CDH13: variants seen among roughly 807,000 people sequenced by gnomAD.
CDH13 encodes cadherin 13, also known as cadherin-13.
CDH13 carries 24 observed loss-of-function variants against 63.8 expected under a neutral mutation model. The ratio of observed to expected loss-of-function variants is 0.38; its 90% CI spans 0.27 to 0.53. The LOEUF (loss-of-function observed/expected upper bound fraction) is 0.53, where lower values mean the gene tolerates loss of function less well. CDH13 is among the 20% of genes least tolerant of loss of function. The pLI, the probability that CDH13 is intolerant of heterozygous loss-of-function variation, is 0.85. For missense variants in CDH13, 1,049 were observed against 903.1 expected (o/e 1.16, Z -2.07); for synonymous variants, 503 against 355.3 (o/e 1.42, Z -4.67).
At chr16:83,194,936 T>C (rs1397350609) in intron 4 of CDH13, among the ~76,000 whole-genome samples, 1 of 152,164 alleles carries the variant, frequency 6.6e-6, no homozygotes, top group African/African-American at 2.4e-5. Flanking sequence ...TACAAACCCA[T>C]AACACCATGA....
chr16:82,836,251 C>G (rs777267618), intron 1 of CDH13, among the ~76,000 whole-genome samples: 9 of 152,064 alleles, frequency 5.9e-5, no homozygotes, highest in Admixed American at 2.0e-4. Flanking sequence ...TGGGTTCAAG[C>G]GATTCTCCTC....
chr16:83,073,238 A>T (rs1829168554), intron 3 of CDH13, among the ~76,000 whole-genome samples: 1 of 151,760 alleles, frequency 6.6e-6, no homozygotes, highest in African/African-American at 2.4e-5. Context: ...GCACGAAATC[A>T]CTGTGCTAGT....
At chr16:83,065,803 A>C (rs965219720) in intron 3 of CDH13, among the ~76,000 whole-genome samples, 3 of 151,904 alleles carry the variant, frequency 2.0e-5, no homozygotes, top group Admixed American at 2.0e-4. Context: ...CTCTCTTCCT[A>C]CTGTCTTTGG....
At chr16:83,676,067 C>A (rs1275509780) in intron 9 of CDH13, among the ~76,000 whole-genome samples, 1 of 152,070 alleles carries the variant, frequency 6.6e-6, no homozygotes, top group Non-Finnish European at 1.5e-5. Context: ...ATGACATCCC[C>A]AGGAAAGAAG....
chr16:82,864,956 A>G (rs1195260095), intron 2 of CDH13, among the ~76,000 whole-genome samples: 1 of 152,128 alleles, frequency 6.6e-6, no homozygotes, highest in African/African-American at 2.4e-5. Flanking sequence ...AATGGGAAAA[A>G]TTGGCCAAAA....
chr16:82,854,878 T>C (rs1015778456), intron 1 of CDH13, among the ~76,000 whole-genome samples: 1 of 152,228 alleles, frequency 6.6e-6, no homozygotes, highest in Non-Finnish European at 1.5e-5. Context: ...TTAACAATTA[T>C]TGACTCCTTA....
chr16:83,383,280 G>A (rs2091605074), intron 6 of CDH13: 1 of 152,182 alleles, frequency 6.6e-6, no homozygotes, highest in South Asian at 2.1e-4. Context: ...CCCTGCCCAA[G>A]GCTCAGGAAT....
intron 2 of CDH13, among the ~76,000 whole-genome samples, chr16:82,996,877 T>C (rs998008373): frequency 6.6e-6 from 1 of 151,826 alleles, no homozygotes; most frequent in Non-Finnish European, 1.5e-5. Context: ...ATGATGATTC[T>C]AGTGATGGTG....
intron 1 of CDH13, among the ~76,000 whole-genome samples, chr16:82,645,746 C>A (rs1260243551): frequency 6.6e-6 from 1 of 152,142 alleles, no homozygotes; most frequent in Non-Finnish European, 1.5e-5. Context: ...AGCCGCTATT[C>A]ATGTATAATT....
intron 2 of CDH13, among the ~76,000 whole-genome samples, chr16:82,915,422 G>T (rs368141719): frequency 2.0e-5 from 3 of 152,268 alleles, no homozygotes; most frequent in South Asian, 4.1e-4. Flanking sequence ...CTGTAACGAA[G>T]GTATCTTTCT....
chr16:83,537,785 C>T (rs1298031486), intron 7 of CDH13, among the ~76,000 whole-genome samples: 1 of 152,174 alleles, frequency 6.6e-6, no homozygotes, highest in East Asian at 1.9e-4. Flanking sequence ...GAATTGTACT[C>T]TGGAATTATA....
chr16:82,917,148 A>G (rs1048132871), intron 2 of CDH13, among the ~76,000 whole-genome samples: 1 of 152,186 alleles, frequency 6.6e-6, no homozygotes, highest in Non-Finnish European at 1.5e-5. Flanking sequence ...CAGAGAAAGT[A>G]AATGAAAGGA....
chr16:83,175,239 T>G (rs1411544300), intron 4 of CDH13, among the ~76,000 whole-genome samples: 1 of 152,084 alleles, frequency 6.6e-6, no homozygotes, highest in Admixed American at 6.6e-5. Flanking sequence ...ACCATTCTAT[T>G]TGGTTTGGGA....
intron 5 of CDH13, among the ~76,000 whole-genome samples, chr16:83,321,351 G>C (rs1356510504): frequency 2.6e-5 from 4 of 152,120 alleles, no homozygotes; most frequent in Non-Finnish European, 5.9e-5. Context: ...ACAGCAAGTT[G>C]ATCAACTTGG....
chr16:82,985,656 C>G (rs1415436978), intron 2 of CDH13, among the ~76,000 whole-genome samples: 1 of 152,120 alleles, frequency 6.6e-6, no homozygotes, highest in Non-Finnish European at 1.5e-5. Flanking sequence ...TTGGCCTCTT[C>G]TTTCTGAAAT....
chr16:82,774,800 G>T (rs948199397), intron 1 of CDH13, among the ~76,000 whole-genome samples: 27 of 152,302 alleles, frequency 1.8e-4, no homozygotes, highest in African/African-American at 5.8e-4. Flanking sequence ...TTCATGAGAA[G>T]CCCCCTGGTC....
At chr16:83,659,975 C>G (rs1336420837) in intron 8 of CDH13, among the ~76,000 whole-genome samples, 2 of 151,818 alleles carry the variant, frequency 1.3e-5, no homozygotes, top group South Asian at 2.1e-4. Context: ...TTTGTAGAGA[C>G]GGGATTTCGC....
chr16:83,073,067 C>T (rs536914824), intron 3 of CDH13, among the ~76,000 whole-genome samples: 212 of 152,278 alleles, frequency 1.4e-3, no homozygotes, highest in African/African-American at 4.9e-3. Context: ...CAGCACTGTG[C>T]TGGTAGCTCA....
chr16:83,256,030 T>A (rs1025137296), intron 5 of CDH13, among the ~76,000 whole-genome samples: 20 of 152,298 alleles, frequency 1.3e-4, no homozygotes, highest in Middle Eastern at 3.4e-3. Flanking sequence ...ATTAGCTCAA[T>A]AAAAGTGATT....
Sources: allele counts gnomAD v4.1 joint callset (sites outside exome capture counted in the v4.1 genomes callset), GRCh38; gene constraint gnomAD v4.1.1; transcripts MANE v1.5; gene names NCBI Gene and HGNC (gene_info 2026-07-23, HGNC 2026-07-21).